Variants in HYOU1 observed in about 807,000 individuals in gnomAD.
HYOU1 encodes the protein hypoxia up-regulated 1, also known as hypoxia up-regulated protein 1.
A neutral mutation model predicts 120.5 loss-of-function variants in HYOU1; 40 were observed. That is an observed-to-expected ratio of 0.33 (90% confidence interval 0.26 to 0.43). The LOEUF (loss-of-function observed/expected upper bound fraction) is 0.43, where lower values mean the gene tolerates loss of function less well. Among genes scored for constraint, HYOU1 ranks in the 20% least tolerant of loss-of-function variants. The pLI is 1.00. For synonymous variants in HYOU1, 501 were observed against 479.4 expected, an observed-to-expected ratio of 1.05 and a Z score of -0.59; for missense variants, 1,085 against 1,278.3, an observed-to-expected ratio of 0.85 and a Z score of 2.31.
Position 119,051,993 on chromosome 11 carries a change from T to C in HYOU1, c.1206-42A>G. The C allele has an allele frequency of 6.2e-7, 1 of 1,613,352 alleles. No individual in the cohort carries two copies. The highest frequency in any genetic ancestry group is 8.5e-7 in the Non-Finnish European group (1 of 1,179,366). On this transcript the variant is annotated intron_variant, in intron 11 of 25. Transcript: ENST00000617285. The surrounding 1 kb of genome is among the most constrained non-coding windows in gnomAD (Gnocchi z 4.2). ...CCTCAGCACGGTCTACCCTGGAGCA[T>C]GCAACCGGGACTTCCCTCCCCTCAG...
In HYOU1 at chr11:119,045,060, G is replaced by A. The variant is rs998499496; in HGVS notation, c.*533C>T. The A allele has an allele frequency of 4.5e-6, 2 of 441,512 alleles. No individual in the cohort carries two copies. Among genetic ancestry groups the A allele is most frequent in the South Asian group, 1.6e-5 (1 of 64,278 alleles). The allele number at this position is 441,512 out of a possible 1,614,324, so 27.3% of individuals were successfully genotyped here. A position where few individuals can be genotyped will look rare whatever the true frequency, so the allele number is the denominator to read the frequency against. The stretch of plus-strand genomic sequence containing the variant: ...AAGGAGCTGGATGGGAATGGGGAAG[G>A]GAGGCTCAGAGCAAGAGAAGCCCGC... On this transcript the variant is annotated 3_prime_UTR_variant, in exon 26 of 26. Transcript: ENST00000617285.
Position 119,055,568 on chromosome 11 carries a change from T to C in HYOU1, c.189A>G (p.Glu63=). ...CGATCACCGGTGTTTTCCTCCGAGA[T>C]TCCCTGAGGAAAAGAGATTTTGGGC... is the stretch of plus-strand genomic sequence containing the variant. ...GVPMEIVLNK[E]SRRKTPVIVT... The change falls in exon 4 of 26, where the codon GAA becomes GAG. Residue 63 remains glutamate, a synonymous_variant. Transcript: ENST00000617285. The surrounding 1 kb of genome is among the most constrained non-coding windows in gnomAD (Gnocchi z 4.0). The C allele has an allele frequency of 1.9e-6, 3 of 1,613,840 alleles. No homozygotes were observed. The highest frequency in any genetic ancestry group is 1.1e-5 in the South Asian group (1 of 91,080).
rs1264597568 is a variant in HYOU1 at position 119,054,615 on chromosome 11, C to T, written c.557G>A (p.Arg186Gln). The change falls in exon 7 of 26, where the codon CGA becomes CAA. Residue 186 changes from arginine (R) to glutamine (Q), a missense_variant. Physicochemically the swap from Arg to Gln is conservative, Grantham distance 43 (BLOSUM62 1). Transcript: ENST00000617285. ...CATACGAGCAGCCTGCAGCACAGCTCGGCGCTCGGCCTGGTTGAAGAAGAC... is the reference window on the plus strand; with the variant it reads ...CATACGAGCAGCCTGCAGCACAGCTTGGCGCTCGGCCTGGTTGAAGAAGAC... ...VPVFFNQAER[R>Q]AVLQAARMAG... 4 of 1,614,046 alleles carry T rather than the reference C, an allele frequency of 2.5e-6. No homozygotes were observed. The highest frequency in any genetic ancestry group is 2.2e-5 in the East Asian group (1 of 44,882).
In HYOU1 at chr11:119,046,691, G is replaced by T; in HGVS notation, c.2707C>A (p.Gln903Lys). 1.2e-6 allele frequency: 2 copies of T among 1,613,802 alleles called. No individual in the cohort carries two copies. The highest frequency in any genetic ancestry group is 8.5e-7 in the Non-Finnish European group (1 of 1,180,034). The change falls in exon 23 of 26, where the codon CAG becomes AAG. Residue 903 changes from glutamine (Q) to lysine (K), a missense_variant. Coordinates refer to ENST00000617285, the MANE Select transcript of HYOU1 (RefSeq NM_006389.5). Reference sequence around the variant, plus strand: ...AACTTGGCCTTATTGAGCAGATACTGCACCTCTCGGTCCAGGGCCATCATC... The same window carrying T: ...AACTTGGCCTTATTGAGCAGATACTTCACCTCTCGGTCCAGGGCCATCATC... ...AKMMALDREV[Q>K]YLLNKAKFTK...
At chr11:119,049,314 GA>G in intron 16 of HYOU1, 111 bp from the exon 17 acceptor site, 1 of 1,565,072 alleles carries the variant, frequency 6.4e-7, no homozygotes, top group Non-Finnish European at 8.6e-7. Context: ...CTGCTGTATG[GA>G]AACGGTCAAT....
In HYOU1 at chr11:119,052,165, A is replaced by T. The variant is rs2133590754; in HGVS notation, c.1130T>A (p.Ile377Asn). ...CCCACCCACCAGGATCACCTGCTCA[A>T]TCTCATCCTGCAGTGGGTAAGAATG... ...LQSAEMSLDE[I>N]EQVILVGGAT... Residue 377 changes from isoleucine (I) to asparagine (N), a missense_variant, in exon 11 of 26, where the codon ATT (isoleucine) becomes AAT (asparagine). Around this residue, in one of 4 missense-constraint regions of HYOU1, gnomAD observed 515 missense variants for 677.8 expected, o/e 0.76. Transcript: ENST00000617285. The surrounding 1 kb of genome is among the most constrained non-coding windows in gnomAD (Gnocchi z 5.0). 3.1e-6 allele frequency: 5 copies of T among 1,614,144 alleles called. No individual in the cohort carries two copies.
In HYOU1 at chr11:119,048,814, G is replaced by A; in HGVS notation, c.2065C>T (p.Pro689Ser). ...TCTACCATTCGCCGCTTCCTGGCGG[G>A]CTTCTGCTTCTTCTCTCCCTCTGGG... ...PAPEGEKKQK[P>S]ARKRRMVEEI... is the part of the protein sequence containing the mutation. The change falls in exon 18 of 26, where the codon CCC (proline) becomes TCC (serine). Residue 689 changes from proline (P) to serine (S), a missense_variant. This residue lies in a region of HYOU1 where 516 missense variants were observed against 517.1 expected (regional missense o/e 1.00). Transcript: ENST00000617285. This position sits in a 1 kb window ranked among gnomAD's most constrained non-coding sequence, Gnocchi z 4.7. The A allele has an allele frequency of 3.7e-6, 6 of 1,614,046 alleles. No individual in the cohort carries two copies. The highest frequency in any genetic ancestry group is 8.5e-7 in the Non-Finnish European group (1 of 1,179,990).
chr11:119,045,446 T>C lies in HYOU1; in HGVS notation c.*147A>G, dbSNP rs953254593. Reference sequence around the variant, plus strand: ...AGGAACCAGTGAGCTGTCCCTCCCTTCCCCTTCTCCACACCTCCAAATCAC... The same window carrying C: ...AGGAACCAGTGAGCTGTCCCTCCCTCCCCCTTCTCCACACCTCCAAATCAC... On this transcript the variant is annotated 3_prime_UTR_variant, in exon 26 of 26. Coordinates refer to ENST00000617285, the MANE Select transcript of HYOU1 (RefSeq NM_006389.5). The C allele has an allele frequency of 1.1e-5, 9 of 783,248 alleles. No individual in the cohort carries two copies. Among genetic ancestry groups the C allele is most frequent in the Non-Finnish European group, 2.0e-5 (9 of 440,044 alleles). 48.5% of individuals were successfully genotyped at this position (783,248 alleles called of 1,614,324 possible). A position where few individuals can be genotyped will look rare whatever the true frequency, so the allele number is the denominator to read the frequency against.
rs915201430 is a variant in HYOU1 at position 119,055,502 on chromosome 11, T to A, written c.255A>T (p.Ala85=). The A allele has an allele frequency of 1.9e-6, 3 of 1,613,908 alleles. No individual in the cohort carries two copies. Among genetic ancestry groups the A allele is most frequent in the Non-Finnish European group, 8.5e-7 (1 of 1,179,932 alleles). The change falls in exon 4 of 26, where the codon GCA becomes GCT. Residue 85 remains alanine (A), a synonymous_variant. Transcript: ENST00000617285. This position sits in a 1 kb window ranked among gnomAD's most constrained non-coding sequence, Gnocchi z 4.0. ...KENERFFGDS[A]ASMAIKNPKA... ...GGGACTGCTAGCTCACCATGCTTGCTGCACTGTCTCCAAAGAATCTTTCAT... is the reference window on the plus strand; with the variant it reads ...GGGACTGCTAGCTCACCATGCTTGCAGCACTGTCTCCAAAGAATCTTTCAT...
Position 119,052,241 on chromosome 11 carries a change from G to A in HYOU1, c.1122+54C>T. 6.2e-7 allele frequency: 1 copy of A among 1,613,932 alleles called. No homozygotes were observed. The highest frequency in any genetic ancestry group is 8.5e-7 in the Non-Finnish European group (1 of 1,179,864). ...ACTGACTCGTCCCTTGACGTCCCAT[G>A]GGTTTCCTATGCCCTTTCCTACGGG... On this transcript the variant is annotated intron_variant, in intron 10 of 25. Transcript: ENST00000617285. This position sits in a 1 kb window ranked among gnomAD's most constrained non-coding sequence, Gnocchi z 5.0.
Position 119,052,485 on chromosome 11 carries a change from G to T in HYOU1, c.988-56C>A. ...CTTGCCCAGCTCCCGCTCTCTTGGT[G>T]AGTAGGACAGAAACAAAAAGAATAG... is the stretch of plus-strand genomic sequence containing the variant. On this transcript the variant is annotated intron_variant, in intron 9 of 25. Coordinates refer to ENST00000617285, the MANE Select transcript of HYOU1 (RefSeq NM_006389.5). The surrounding 1 kb of genome is among the most constrained non-coding windows in gnomAD (Gnocchi z 5.0). The T allele has an allele frequency of 6.2e-7, 1 of 1,611,226 alleles. No homozygotes were observed. Among genetic ancestry groups the T allele is most frequent in the South Asian group, 1.1e-5 (1 of 90,816 alleles).
In HYOU1 at chr11:119,052,380, A is replaced by C; in HGVS notation, c.1037T>G (p.Val346Gly). The C allele has an allele frequency of 6.2e-7, 1 of 1,614,132 alleles. No homozygotes were observed. Among genetic ancestry groups the C allele is most frequent in the Non-Finnish European group, 8.5e-7 (1 of 1,180,002 alleles). The change falls in exon 10 of 26, where the codon GTG becomes GGG. Residue 346 changes from valine to glycine, a missense_variant. Val to Gly is a moderately radical substitution (Grantham distance 109). Transcript: ENST00000617285. This position sits in a 1 kb window ranked among gnomAD's most constrained non-coding sequence, Gnocchi z 5.0. ...GTCTGCACACAACTCCTCAAATTCCACACGAGTCACTTTTGCCTTGAAGTC... is the reference window on the plus strand; with the variant it reads ...GTCTGCACACAACTCCTCAAATTCCCCACGAGTCACTTTTGCCTTGAAGTC... ...DVDFKAKVTR[V>G]EFEELCADLF...
At chr11:119,056,674 G>GATA in intron 1 of HYOU1, 2 of 300,098 alleles carry the variant, frequency 6.7e-6, no homozygotes, top group South Asian at 5.7e-5. Context: ...CGGCATCCCT[G>GATA]CGGGTTGTCC....
rs1043049404 is a variant in HYOU1 at position 119,054,515 on chromosome 11, T to C, written c.657A>G (p.Lys219=). Residue 219 remains lysine, a synonymous_variant, in exon 7 of 26, where the codon AAA becomes AAG. Coordinates refer to ENST00000617285, the MANE Select transcript of HYOU1 (RefSeq NM_006389.5). ...TALSYGVFRR[K]DINTTAQNIM... is the part of the protein sequence containing the mutation. ...TCACCTGGGCAGTGGTGTTAATATC[T>C]TTCCGGCGGAAGACACCATAGCTGA... The C allele has an allele frequency of 6.2e-6, 10 of 1,614,216 alleles. No individual in the cohort carries two copies. The highest frequency in any genetic ancestry group is 8.5e-6 in the Non-Finnish European group (10 of 1,180,042).
chr11:119,045,012 G>A lies in HYOU1; in HGVS notation c.*581C>T. On this transcript the variant is annotated 3_prime_UTR_variant, in exon 26 of 26. Coordinates refer to ENST00000617285, the MANE Select transcript of HYOU1 (RefSeq NM_006389.5). ...CAGAGAACTGCCCAATTTGCTGCAG[G>A]AAGCCAAGGAAACCCAGGGGGAAAG... 1 of 425,208 alleles carries A rather than the reference G, an allele frequency of 2.4e-6. No individual in the cohort carries two copies. Among genetic ancestry groups the A allele is most frequent in the South Asian group, 1.6e-5 (1 of 63,414 alleles). The allele number at this position is 425,208 out of a possible 1,614,324, so 26.3% of individuals were successfully genotyped here.
rs1244101067 is a variant in HYOU1 at position 119,049,177 on chromosome 11, C to T, written c.1833G>A (p.Gly611=). Residue 611 remains glycine, a synonymous_variant, in exon 17 of 26, where the codon GGG becomes GGA. Transcript: ENST00000617285. ...CCTGCTCCCCAGGCTCGTCCTTGCT[C>T]CCCTCTGCAGGGCTCTCCTCTTCCT... ...VQEEEESPAE[G]SKDEPGEQVE... 4 of 1,608,000 alleles carry T rather than the reference C, an allele frequency of 2.5e-6. No individual in the cohort carries two copies. The highest frequency in any genetic ancestry group is 3.4e-6 in the Non-Finnish European group (4 of 1,176,896).
rs1373996333 is a variant in HYOU1 at position 119,049,172 on chromosome 11, T to C, written c.1838A>G (p.Lys613Arg). Residue 613 changes from lysine (K) to arginine (R), a missense_variant, in exon 17 of 26, where the codon AAG becomes AGG. Transcript: ENST00000617285. Reference protein sequence around the residue: ...EEEESPAEGSKDEPGEQVELK... With the variant: ...EEEESPAEGSRDEPGEQVELK... ...CTCCACCTGCTCCCCAGGCTCGTCC[T>C]TGCTCCCCTCTGCAGGGCTCTCCTC... 6.2e-7 allele frequency: 1 copy of C among 1,609,358 alleles called. No individual in the cohort carries two copies. Among genetic ancestry groups the C allele is most frequent in the African/African-American group, 1.3e-5 (1 of 74,734 alleles).
rs1325226745 is a variant in HYOU1 at position 119,048,407 on chromosome 11, G to A, written c.2254-37C>T. ...GACATGTAAACACATGCACCCACAA[G>A]CCCAGAGGCAAGGCCCACAGAGCCA... On this transcript the variant is annotated intron_variant, in intron 19 of 25. Coordinates refer to ENST00000617285, the MANE Select transcript of HYOU1 (RefSeq NM_006389.5). This position sits in a 1 kb window ranked among gnomAD's most constrained non-coding sequence, Gnocchi z 4.7. 1.8e-5 allele frequency: 29 copies of A among 1,611,004 alleles called. No homozygotes were observed. Among genetic ancestry groups the A allele is most frequent in the Non-Finnish European group, 2.4e-5 (28 of 1,179,594 alleles).
chr11:119,051,105 G>A lies in HYOU1; in HGVS notation c.1595C>T (p.Pro532Leu), dbSNP rs1162439499. The change falls in exon 14 of 26, where the codon CCT becomes CTT. Residue 532 changes from proline to leucine, a missense_variant. Coordinates refer to ENST00000617285, the MANE Select transcript of HYOU1 (RefSeq NM_006389.5). The surrounding 1 kb of genome is among the most constrained non-coding windows in gnomAD (Gnocchi z 4.2). ...CTTGATGCCCTTGGACTCGTAGTCA[G>A]GATACTTCTTGAAGCTGTCACCCAC... Reference protein sequence around the residue: ...KGVGDSFKKYPDYESKGIKAH... With the variant: ...KGVGDSFKKYLDYESKGIKAH... 2 of 1,614,088 alleles carry A rather than the reference G, an allele frequency of 1.2e-6. No homozygotes were observed. The highest frequency in any genetic ancestry group is 2.7e-5 in the African/African-American group (2 of 74,934).
Sources: gnomAD v4.1 joint callset for allele counts on GRCh38, gnomAD v4.1.1 for gene constraint, gnomAD v4.1.1 regional missense constraint, Gnocchi (gnomAD v3.1) non-coding constraint, MANE v1.5 for transcripts, NCBI Gene and HGNC (gene_info 2026-07-23, HGNC 2026-07-21) for gene names.